Variants in PCDHGA5 observed in about 807,000 individuals in gnomAD.
The protein encoded by PCDHGA5 is protocadherin gamma subfamily A, 5.
PCDHGA5 carries 36 observed loss-of-function variants against 56.7 expected under a neutral mutation model. That is an observed-to-expected ratio of 0.64 (90% CI 0.49 to 0.84). The LOEUF (loss-of-function observed/expected upper bound fraction) is 0.84, where lower values mean the gene tolerates loss of function less well. PCDHGA5 is among the 40% of genes least tolerant of loss of function. PCDHGA5 has a pLI of 0.00. For missense variants in PCDHGA5, 1,305 were observed against 1,201.5 expected (o/e 1.09, Z -1.27); for synonymous variants, 563 against 520.2 (o/e 1.08, Z -1.12).
In PCDHGA5 at chr5:141,431,716, G is replaced by T; in HGVS notation, c.2422-63091G>T. On this transcript the variant is annotated intron_variant, in intron 1 of 3. Transcript: ENST00000518069. The surrounding 1 kb of genome is among the most constrained non-coding windows in gnomAD (Gnocchi z 4.8). ...AGTCAGGATTCTACCAGATGGAAGT[G>T]CAAGCAATGGATAATGCAGGATATT... 1 of 1,614,244 alleles carries T rather than the reference G, an allele frequency of 6.2e-7. No homozygotes were observed. Among genetic ancestry groups the T allele is most frequent in the Middle Eastern group, 1.6e-4 (1 of 6,062 alleles).
rs763001349 is a variant in PCDHGA5 at position 141,398,988 on chromosome 5, C to A, written c.2421+32237C>A. 1.9e-6 allele frequency: 3 copies of A among 1,613,832 alleles called. No homozygotes were observed. The African/African-American group carries it at 4.0e-5, about 22-fold the overall frequency. On this transcript the variant is annotated intron_variant, in intron 1 of 3. Coordinates refer to ENST00000518069, the MANE Select transcript of PCDHGA5 (RefSeq NM_018918.3). Reference sequence around the variant, plus strand: ...ATTCCTTCTACAGAACCGGGCAAATCTTTAGTCTGAATTCAAAGAGCGGAG... The same window carrying A: ...ATTCCTTCTACAGAACCGGGCAAATATTTAGTCTGAATTCAAAGAGCGGAG...
At chr5:141,412,527 A>G (rs1017506409) in intron 1 of PCDHGA5, 3 of 152,186 alleles carry the variant, frequency 2.0e-5, no homozygotes, top group Admixed American at 1.3e-4. Context: ...AGTAGTTACA[A>G]TTATAAAGCT....
chr5:141,418,107 A>C, intron 1 of PCDHGA5: 1 of 1,614,036 alleles, frequency 6.2e-7, no homozygotes, highest in Non-Finnish European at 8.5e-7. Flanking sequence ...CAGAGCGGGG[A>C]CTTACTTGTG....
rs555802357 is a variant in PCDHGA5 at position 141,366,613 on chromosome 5, G to A, written c.2283G>A (p.Ala761=). ...ATTCCCACGAGGTCTCCCTCACCGC[G>A]GACTCGAGGAAGAGTCACCTGATCT... The part of the protein sequence containing the change: ...QTYSHEVSLT[A]DSRKSHLIFP... Residue 761 remains alanine (A), a synonymous_variant, in exon 1 of 4, where the codon GCG becomes GCA. Transcript: ENST00000518069. 5.8e-5 allele frequency: 93 copies of A among 1,614,096 alleles called. No homozygotes were observed. Among genetic ancestry groups the A allele is most frequent in the African/African-American group, 8.0e-5 (6 of 74,940 alleles).
intron 1 of PCDHGA5, chr5:141,383,286 C>T (rs373163257): frequency 4.3e-6 from 7 of 1,613,770 alleles, no homozygotes; most frequent in African/African-American, 1.3e-5. Flanking sequence ...TTAATGACAA[C>T]GTTCCAAGAT....
chr5:141,496,876 A>G (rs964149656), intron 2 of PCDHGA5, among the ~76,000 whole-genome samples: 1 of 149,154 alleles, frequency 6.7e-6, no homozygotes, highest in African/African-American at 2.5e-5. Flanking sequence ...AAAATTTGCA[A>G]CAAGTAACAC....
At chr5:141,442,358 A>C (rs2098318223) in intron 1 of PCDHGA5, 1 of 152,304 alleles carries the variant, frequency 6.6e-6, no homozygotes, top group African/African-American at 2.4e-5. Context: ...CTGTAGCTCT[A>C]TGATGCCATA....
At chr5:141,400,065 A>G (rs1012484805) in intron 1 of PCDHGA5, 3 of 1,613,758 alleles carry the variant, frequency 1.9e-6, no homozygotes, top group African/African-American at 1.3e-5. Flanking sequence ...GTGATGGTGG[A>G]CAGCCGCCAC....
chr5:141,415,078 G>T (rs780547982), intron 1 of PCDHGA5: 2 of 1,613,376 alleles, frequency 1.2e-6, no homozygotes, highest in Non-Finnish European at 8.5e-7. Context: ...CACGGCGCGA[G>T]CCCTGCTGGA....
intron 1 of PCDHGA5, chr5:141,404,856 G>C (rs1405688914): frequency 6.2e-7 from 1 of 1,613,890 alleles, no homozygotes; most frequent in Admixed American, 1.7e-5. Flanking sequence ...CTGCTAGATA[G>C]AGATGCGCTC....
intron 1 of PCDHGA5, among the ~76,000 whole-genome samples, chr5:141,473,736 G>A (rs1278322296): frequency 1.3e-5 from 2 of 152,202 alleles, no homozygotes; most frequent in Non-Finnish European, 2.9e-5. Flanking sequence ...AGAGGGAGAA[G>A]ACATGAGAAC....
chr5:141,375,578 G>T, intron 1 of PCDHGA5: 1 of 1,614,062 alleles, frequency 6.2e-7, no homozygotes, highest in Non-Finnish European at 8.5e-7. Flanking sequence ...CCTCCAGGGG[G>T]CGCCCCTGTC....
intron 1 of PCDHGA5, chr5:141,394,299 C>G: frequency 6.2e-7 from 1 of 1,614,002 alleles, no homozygotes; most frequent in Middle Eastern, 1.6e-4. Context: ...CGAGGACACG[C>G]TGCAGGGGGC....
At chr5:141,424,022 AAC>A (rs1390245883) in intron 1 of PCDHGA5, 1 of 1,046,586 alleles carries the variant, frequency 9.6e-7, no homozygotes, top group Non-Finnish European at 1.2e-6. Flanking sequence ...ATGATTCACA[AAC>A]ACTTTTTATT....
chr5:141,431,748 G>T lies in PCDHGA5; in HGVS notation c.2422-63059G>T. 1 of 1,614,196 alleles carries T rather than the reference G, an allele frequency of 6.2e-7. No homozygotes were observed. Among genetic ancestry groups the T allele is most frequent in the Non-Finnish European group, 8.5e-7 (1 of 1,180,042 alleles). Reference sequence around the variant, plus strand: ...ATGGATAATGCAGGATATTCTGCGCGAGCCAAAGTCCTGATCACTGTTCTG... The same window carrying T: ...ATGGATAATGCAGGATATTCTGCGCTAGCCAAAGTCCTGATCACTGTTCTG... On this transcript the variant is annotated intron_variant, in intron 1 of 3. Transcript: ENST00000518069. This position sits in a 1 kb window ranked among gnomAD's most constrained non-coding sequence, Gnocchi z 4.8.
chr5:141,505,742 G>A (rs1024914690), intron 3 of PCDHGA5, among the ~76,000 whole-genome samples: 1 of 152,150 alleles, frequency 6.6e-6, no homozygotes, highest in Non-Finnish European at 1.5e-5. Flanking sequence ...TACAAGTCTA[G>A]CTCTGGAATG....
In PCDHGA5 at chr5:141,432,265, G is replaced by A. The variant is rs756993242; in HGVS notation, c.2422-62542G>A. On this transcript the variant is annotated intron_variant, in intron 1 of 3. Transcript: ENST00000518069. The surrounding 1 kb of genome is among the most constrained non-coding windows in gnomAD (Gnocchi z 6.0). ...ACACCATCCAAGGGGCAAGCCTATCGTCCTACGTGTCCATCAACTCCGACA... is the reference window on the plus strand; with the variant it reads ...ACACCATCCAAGGGGCAAGCCTATCATCCTACGTGTCCATCAACTCCGACA... 2.5e-6 allele frequency: 4 copies of A among 1,614,092 alleles called. No individual in the cohort carries two copies. The highest frequency in any genetic ancestry group is 1.7e-5 in the Admixed American group (1 of 60,004).
At position 141,491,369 on chromosome 5, in the gene PCDHGA5, CCTTT is replaced by C; in HGVS notation, c.2422-3435_2422-3432del. ...AGTCTCTTATCCCTAGTCACCTTCACCTTTCTGTCAGCGAAGTGCCTTCAGGGAA... is the reference window on the plus strand; with the variant it reads ...AGTCTCTTATCCCTAGTCACCTTCACCTGTCAGCGAAGTGCCTTCAGGGAA... On this transcript the variant is annotated intron_variant, in intron 1 of 3. Transcript: ENST00000518069. The surrounding 1 kb of genome is among the most constrained non-coding windows in gnomAD (Gnocchi z 6.9). 1 of 1,614,110 alleles carries C rather than the reference CCTTT, an allele frequency of 6.2e-7. No individual in the cohort carries two copies. Among genetic ancestry groups the C allele is most frequent in the Non-Finnish European group, 8.5e-7 (1 of 1,179,996 alleles).
intron 1 of PCDHGA5, among the ~76,000 whole-genome samples, chr5:141,437,228 A>C (rs1410620126): frequency 6.6e-6 from 1 of 152,228 alleles, no homozygotes; most frequent in Non-Finnish European, 1.5e-5. Context: ...CCAGTCATAA[A>C]ATTATGTCAA....
Sources: gnomAD v4.1 joint callset for allele counts (sites outside exome capture counted in the v4.1 genomes callset) on GRCh38, gnomAD v4.1.1 for gene constraint, Gnocchi (gnomAD v3.1) non-coding constraint, MANE v1.5 for transcripts, NCBI Gene and HGNC (gene_info 2026-07-23, HGNC 2026-07-21) for gene names.